Variants in EYS observed in about 807,000 individuals in gnomAD.
EYS encodes the protein EGF-like photoreceptor maintenance factor.
A neutral mutation model predicts 282.1 loss-of-function variants in EYS; 250 were observed. The ratio of observed to expected loss-of-function variants is 0.89; its 90% CI spans 0.80 to 0.98. EYS has a LOEUF of 0.98. EYS is among the 50% of genes least tolerant of loss of function. The pLI, the probability that EYS is intolerant of heterozygous loss-of-function variation, is 0.00. For missense variants in EYS, 4,016 were observed against 3,709.0 expected, an observed-to-expected ratio of 1.08 and a Z score of -2.15; for synonymous variants, 1,355 against 1,282.9, an observed-to-expected ratio of 1.06 and a Z score of -1.20.
Position 64,924,951 on chromosome 6 carries a change from C to T in EYS, c.2382-12208G>A, listed in dbSNP as rs111967543. Among the ~76,000 whole-genome samples, 974 of 152,296 alleles carry T rather than the reference C, an allele frequency of 6.4e-3. 7 individuals are homozygous for T. Among genetic ancestry groups the T allele is most frequent in the African/African-American group, 0.021 (879 of 41,544 alleles). On this transcript the variant is annotated intron_variant, in intron 15 of 42. Coordinates refer to ENST00000503581, the MANE Select transcript of EYS (RefSeq NM_001142800.2). The stretch of plus-strand genomic sequence containing the variant: ...AAACTGTTCCAACCTCTGACTATTA[C>T]CCAGTTCCAAAGTCACTTCCACGTT...
At chr6:64,562,552 T>A (rs1765429940) in intron 26 of EYS, among the ~76,000 whole-genome samples, 1 of 151,930 alleles carries the variant, frequency 6.6e-6, no homozygotes, top group Non-Finnish European at 1.5e-5. Context: ...AGTGGAATTA[T>A]CCTGTATCTG....
At chr6:64,991,439 A>G in intron 14 of EYS, among the ~76,000 whole-genome samples, 1 of 151,762 alleles carries the variant, frequency 6.6e-6, no homozygotes, top group East Asian at 1.9e-4. Context: ...TGTTGCAGCA[A>G]GAGATTTAAT....
At chr6:64,957,500 T>A (rs1769751081) in intron 14 of EYS, among the ~76,000 whole-genome samples, 1 of 152,030 alleles carries the variant, frequency 6.6e-6, no homozygotes, top group Non-Finnish European at 1.5e-5. Context: ...GGAGAACGAA[T>A]AAGATCTACT....
chr6:64,438,321 A>G (rs1182217051), intron 27 of EYS, among the ~76,000 whole-genome samples: 1 of 151,784 alleles, frequency 6.6e-6, no homozygotes. Flanking sequence ...AAAAATTACA[A>G]CACACATTTT....
In EYS at chr6:64,588,747, G is replaced by A. The variant is rs534449036; in HGVS notation, c.5644+1476C>T. Among the ~76,000 whole-genome samples, 8 of 151,980 alleles carry A rather than the reference G, an allele frequency of 5.3e-5. No individual in the cohort carries two copies. In the South Asian group the frequency reaches 1.5e-3, roughly 28 times the overall value. ...AAATACCCAGTTAGACTGTTTATTC[G>A]CTGATGTGACTCTGATCAACACAGT... On this transcript the variant is annotated intron_variant, in intron 26 of 42. Transcript: ENST00000503581.
At chr6:65,239,235 C>T (rs1562043147) in intron 12 of EYS, among the ~76,000 whole-genome samples, 1 of 151,704 alleles carries the variant, frequency 6.6e-6, no homozygotes, top group Non-Finnish European at 1.5e-5. Context: ...GAAATGAGAG[C>T]GTAAAAATAA....
chr6:65,496,516 A>G (rs1766263467), intron 2 of EYS, among the ~76,000 whole-genome samples: 1 of 151,622 alleles, frequency 6.6e-6, no homozygotes, highest in Admixed American at 6.6e-5. Flanking sequence ...TTAGTGAAAA[A>G]AACGTGTTCT....
intron 26 of EYS, among the ~76,000 whole-genome samples, chr6:64,459,189 A>G (rs1394876666): frequency 1.3e-5 from 2 of 152,202 alleles, no homozygotes; most frequent in Non-Finnish European, 2.9e-5. Context: ...TTAATCTTTG[A>G]GATGATTTGT....
At chr6:64,571,439 A>G (rs1765722538) in intron 26 of EYS, among the ~76,000 whole-genome samples, 1 of 152,222 alleles carries the variant, frequency 6.6e-6, no homozygotes, top group African/African-American at 2.4e-5. Context: ...AGCAGAACTG[A>G]AGGAATTTGA....
chr6:63,904,525 G>A (rs80088098), intron 35 of EYS, among the ~76,000 whole-genome samples: 3,675 of 152,148 alleles, frequency 0.024, 149 homozygotes, highest in African/African-American at 0.084. Context: ...TGGATAATAG[G>A]GGAAGTCTTT....
intron 1 of EYS, among the ~76,000 whole-genome samples, chr6:65,642,941 GGACA>G (rs1330513317): frequency 6.6e-6 from 1 of 152,214 alleles, no homozygotes. Context: ...GTTCCTGCTT[GGACA>G]GACAGAGCAG....
chr6:64,042,367 A>G (rs2149838067), intron 33 of EYS, among the ~76,000 whole-genome samples: 1 of 152,352 alleles, frequency 6.6e-6, no homozygotes, highest in African/African-American at 2.4e-5. Flanking sequence ...TTAGGGAAAC[A>G]TTTAGCTAGT....
At chr6:64,030,903 T>C (rs1769792652) in intron 33 of EYS, among the ~76,000 whole-genome samples, 1 of 152,226 alleles carries the variant, frequency 6.6e-6, no homozygotes, top group South Asian at 2.1e-4. Context: ...GCAGGGCCCC[T>C]TCATCGTCCC....
chr6:64,931,736 A>C (rs1768730151), intron 15 of EYS, among the ~76,000 whole-genome samples: 1 of 152,104 alleles, frequency 6.6e-6, no homozygotes, highest in African/African-American at 2.4e-5. Context: ...TATCACCATA[A>C]CCCTGAGACA....
chr6:64,061,204 C>T (rs1771155001), intron 33 of EYS, among the ~76,000 whole-genome samples: 1 of 152,092 alleles, frequency 6.6e-6, no homozygotes, highest in Admixed American at 6.6e-5. Context: ...ATAAAGGACA[C>T]AGGGCTTTTT....
chr6:65,394,318 A>C (rs985275879), intron 7 of EYS, among the ~76,000 whole-genome samples: 1 of 152,094 alleles, frequency 6.6e-6, no homozygotes, highest in Middle Eastern at 3.4e-3. Context: ...TTGGTGAATA[A>C]ACACTTTCTA....
chr6:65,383,013 T>C (rs1348735323), intron 8 of EYS, among the ~76,000 whole-genome samples: 5 of 152,050 alleles, frequency 3.3e-5, no homozygotes, highest in African/African-American at 1.2e-4. Context: ...AGCTTGAAAG[T>C]AACTCTTGAA....
intron 31 of EYS, among the ~76,000 whole-genome samples, chr6:64,107,821 A>T (rs1487999837): frequency 1.3e-5 from 2 of 151,932 alleles, no homozygotes; most frequent in Non-Finnish European, 1.5e-5. Flanking sequence ...TGAGGGGAAG[A>T]GTTCTATAGC....
At chr6:64,783,676 C>T (rs1773931271) in intron 22 of EYS, among the ~76,000 whole-genome samples, 1 of 152,044 alleles carries the variant, frequency 6.6e-6, no homozygotes, top group African/African-American at 2.4e-5. Context: ...TTTAAAAATA[C>T]ACATGTATAG....
Sources: allele counts gnomAD v4.1 joint callset (sites outside exome capture counted in the v4.1 genomes callset), GRCh38; gene constraint gnomAD v4.1.1; transcripts MANE v1.5; gene names NCBI Gene and HGNC (gene_info 2026-07-23, HGNC 2026-07-21).